SLC25A12: variants seen among roughly 807,000 people sequenced by gnomAD.
The protein encoded by SLC25A12 is solute carrier family 25 member 12, also known as electrogenic aspartate/glutamate antiporter SLC25A12, mitochondrial.
A neutral mutation model predicts 83.3 loss-of-function variants in SLC25A12; 32 were observed. The ratio of observed to expected loss-of-function variants is 0.38; its 90% CI spans 0.29 to 0.52. The LOEUF (loss-of-function observed/expected upper bound fraction) is 0.52, where lower values mean the gene tolerates loss of function less well. Ranked by LOEUF, SLC25A12 falls within the 20% of genes least tolerant of loss-of-function variation. The probability of loss-of-function intolerance (pLI) is 0.84; values close to 1 mark genes in which losing one functional copy is unlikely to be tolerated. For missense variants in SLC25A12, 611 were observed against 835.6 expected, an observed-to-expected ratio of 0.73 and a Z score of 3.31; for synonymous variants, 267 against 291.1, an observed-to-expected ratio of 0.92 and a Z score of 0.84.
intron 13 of SLC25A12, among the ~76,000 whole-genome samples, chr2:171,805,978 A>G (rs1457931813): frequency 6.6e-6 from 1 of 151,796 alleles, no homozygotes; most frequent in Non-Finnish European, 1.5e-5. Flanking sequence ...GGATGGTGGC[A>G]TGCACCTGTA....
In SLC25A12 at chr2:171,842,016, C is replaced by T. The variant is rs545832472; in HGVS notation, c.465+2353G>A. ...GAATTACCATATGACCCAGAAATTA[C>T]ACTCCTATGTATATAGCCAAAAGAA... is the stretch of plus-strand genomic sequence containing the variant. On this transcript the variant is annotated intron_variant, in intron 5 of 17. Transcript: ENST00000422440. Among the ~76,000 whole-genome samples the T allele has an allele frequency of 1.1e-4, 16 of 152,264 alleles. No individual in the cohort carries two copies. The South Asian group carries it at 3.3e-3, about 32-fold the overall frequency.
chr2:171,871,249 G>A (rs1685451107), intron 2 of SLC25A12, among the ~76,000 whole-genome samples: 1 of 151,766 alleles, frequency 6.6e-6, no homozygotes, highest in Non-Finnish European at 1.5e-5. Flanking sequence ...ACCACCACAA[G>A]TGCTATATCA....
intron 8 of SLC25A12, among the ~76,000 whole-genome samples, 160 bp downstream of exon 8, chr2:171,833,803 T>C (rs143071001): frequency 9.5e-4 from 144 of 152,022 alleles, no homozygotes; most frequent in African/African-American, 3.4e-3. Context: ...TTCCTCTCCT[T>C]TGTTACATCT....
chr2:171,868,416 C>T (rs1178715381), intron 3 of SLC25A12, among the ~76,000 whole-genome samples: 2 of 150,058 alleles, frequency 1.3e-5, no homozygotes, highest in East Asian at 2.0e-4. Context: ...CGGATTCAAG[C>T]GATTCTCCTC....
chr2:171,854,609 A>T (rs1013875519), intron 4 of SLC25A12, among the ~76,000 whole-genome samples: 2 of 152,070 alleles, frequency 1.3e-5, no homozygotes, highest in Non-Finnish European at 2.9e-5. Flanking sequence ...ATTTTTTTGG[A>T]AAGTCTTCTC....
chr2:171,872,273 A>G (rs553784727), intron 2 of SLC25A12, among the ~76,000 whole-genome samples: 1 of 152,360 alleles, frequency 6.6e-6, no homozygotes, highest in South Asian at 2.1e-4. Context: ...TAAAGAAAAC[A>G]ATAAGTTTCA....
chr2:171,791,503 A>G lies in SLC25A12; in HGVS notation c.1533T>C (p.Asp511=), dbSNP rs774997369. The G allele has an allele frequency of 6.2e-7, 1 of 1,614,098 alleles. No individual in the cohort carries two copies. The change falls in exon 15 of 18, where the codon GAT becomes GAC. Residue 511 remains aspartate (D), a synonymous_variant. Transcript: ENST00000422440. The part of the protein sequence containing the change: ...VYAHCKLLLA[D]ENGHVGGLNL... ...TTAAACCTCCCACGTGTCCATTTTC[A>G]TCAGCCAGAAGTAGTTTGCAATGAG...
intron 13 of SLC25A12, among the ~76,000 whole-genome samples, chr2:171,808,754 T>C (rs1574687355): frequency 2.0e-5 from 3 of 152,334 alleles, no homozygotes; most frequent in African/African-American, 7.2e-5. Context: ...ATGTGCAGGT[T>C]TGATACATAG....
chr2:171,846,188 AAAAAG>A (rs1684793960), intron 4 of SLC25A12, among the ~76,000 whole-genome samples: 1 of 152,120 alleles, frequency 6.6e-6, no homozygotes, highest in Non-Finnish European at 1.5e-5. Flanking sequence ...AAGGTCTAAC[AAAAAG>A]AAGTGTTTCA....
chr2:171,819,827 A>G (rs1238810745), intron 9 of SLC25A12, among the ~76,000 whole-genome samples: 1 of 152,138 alleles, frequency 6.6e-6, no homozygotes, highest in East Asian at 1.9e-4. Flanking sequence ...AAGAAAACAA[A>G]GTCCTATGTC....
chr2:171,849,955 C>A (rs1457832081), intron 4 of SLC25A12, among the ~76,000 whole-genome samples: 1 of 151,948 alleles, frequency 6.6e-6, no homozygotes, highest in Non-Finnish European at 1.5e-5. Context: ...GTGCATACCA[C>A]CATAACTGGC....
chr2:171,891,856 A>T (rs1014797186), intron 2 of SLC25A12, among the ~76,000 whole-genome samples: 4 of 152,262 alleles, frequency 2.6e-5, no homozygotes, highest in Admixed American at 2.6e-4. Flanking sequence ...TTCCCTTATC[A>T]GATATTATGA....
chr2:171,851,255 G>A (rs868634565), intron 4 of SLC25A12, among the ~76,000 whole-genome samples: 9 of 151,098 alleles, frequency 6.0e-5, no homozygotes, highest in African/African-American at 1.9e-4. Context: ...GTGCAGTGGC[G>A]CAATCTCAGC....
Position 171,841,014 on chromosome 2 carries a change from T to C in SLC25A12, c.465+3355A>G, listed in dbSNP as rs149034196. 8.7e-3 allele frequency among the ~76,000 whole-genome samples: 1,331 copies of C among 152,326 alleles called. 13 individuals are homozygous for C. The highest frequency in any genetic ancestry group is 0.015 in the Non-Finnish European group (1,027 of 68,024). The stretch of plus-strand genomic sequence containing the variant: ...CAAAATTATAAGGAAAATAAACTCC[T>C]ACTAGAATTCAATAACCAGCCAAAC... On this transcript the variant is annotated intron_variant, in intron 5 of 17. Transcript: ENST00000422440.
intron 3 of SLC25A12, among the ~76,000 whole-genome samples, chr2:171,865,988 G>A (rs1250598593): frequency 7.0e-6 from 1 of 143,154 alleles, no homozygotes. Flanking sequence ...AGGACCCTGC[G>A]GCCTTCCGCA....
chr2:171,806,786 C>G (rs145511682), intron 13 of SLC25A12, among the ~76,000 whole-genome samples: 99 of 152,240 alleles, frequency 6.5e-4, no homozygotes, highest in African/African-American at 2.3e-3. Context: ...TTTGGAAGAA[C>G]AGCAGCATTC....
chr2:171,847,856 CA>C (rs1167926616), intron 4 of SLC25A12, among the ~76,000 whole-genome samples: 1 of 152,122 alleles, frequency 6.6e-6, no homozygotes, highest in African/African-American at 2.4e-5. Context: ...AGTAGCCTGT[CA>C]TTATGTTCTC....
chr2:171,877,965 T>C (rs1447483451), intron 2 of SLC25A12, among the ~76,000 whole-genome samples: 5 of 152,218 alleles, frequency 3.3e-5, no homozygotes, highest in Non-Finnish European at 7.3e-5. Context: ...TAAAAAATTA[T>C]ATGGTGTATC....
intron 13 of SLC25A12, among the ~76,000 whole-genome samples, chr2:171,802,601 C>T (rs1683731958): frequency 6.6e-6 from 1 of 151,924 alleles, no homozygotes; most frequent in Non-Finnish European, 1.5e-5. Flanking sequence ...ACGGTGAAAC[C>T]CCGTCTCTAC....
Sources: allele counts gnomAD v4.1 joint callset (sites outside exome capture counted in the v4.1 genomes callset), GRCh38; gene constraint gnomAD v4.1.1; transcripts MANE v1.5; gene names NCBI Gene and HGNC (gene_info 2026-07-23, HGNC 2026-07-21).